The following KHDRBS2 variants were observed in gnomAD, a reference collection of about 807,000 sequenced individuals.
KHDRBS2 encodes KH domain-containing, RNA-binding, signal transduction-associated protein 2.
A neutral mutation model predicts 44.3 loss-of-function variants in KHDRBS2; 26 were observed. That is an observed-to-expected ratio of 0.59 (90% CI 0.43 to 0.81). The LOEUF (loss-of-function observed/expected upper bound fraction) is 0.81, where lower values mean the gene tolerates loss of function less well. KHDRBS2 is among the 40% of genes least tolerant of loss of function. The probability of loss-of-function intolerance (pLI) is 0.00; values close to 1 mark genes in which losing one functional copy is unlikely to be tolerated. For missense variants in KHDRBS2, 476 were observed against 433.1 expected (o/e 1.10, Z -0.88); for synonymous variants, 194 against 151.1 (o/e 1.28, Z -2.08).
chr6:61,915,781 A>C (rs1355722018), intron 4 of KHDRBS2, among the ~76,000 whole-genome samples: 1 of 152,048 alleles, frequency 6.6e-6, no homozygotes, highest in Non-Finnish European at 1.5e-5. Context: ...ATCAGCTTTA[A>C]TGTTGATATA....
At chr6:61,979,696 C>CT (rs1197612015) in intron 3 of KHDRBS2, among the ~76,000 whole-genome samples, 1 of 152,094 alleles carries the variant, frequency 6.6e-6, no homozygotes, top group Non-Finnish European at 1.5e-5. Context: ...AACTTGAGAG[C>CT]TTTTCTTAGT....
intron 6 of KHDRBS2, among the ~76,000 whole-genome samples, chr6:61,886,116 C>A (rs1410934677): frequency 3.3e-5 from 5 of 152,114 alleles, no homozygotes; most frequent in Non-Finnish European, 7.4e-5. Context: ...CTTCTTTAAT[C>A]CACCCTAGAC....
chr6:62,094,279 T>C (rs1436837023), intron 2 of KHDRBS2, among the ~76,000 whole-genome samples: 2 of 151,950 alleles, frequency 1.3e-5, no homozygotes, highest in Non-Finnish European at 2.9e-5. Context: ...TGAATTTTTC[T>C]GGTGATTAAT....
chr6:61,954,624 A>ATG lies in KHDRBS2; in HGVS notation c.483+23440_483+23441dup, dbSNP rs1424822332. ...CATACATACTTATGTATACATATAT[A>ATG]TGTATATATACACATACATACTTAT... On this transcript the variant is annotated intron_variant, in intron 4 of 8. Transcript: ENST00000281156. 1.9e-3 allele frequency among the ~76,000 whole-genome samples: 266 copies of ATG among 142,032 alleles called. 12 individuals carry two copies. Among genetic ancestry groups the ATG allele is most frequent in the Middle Eastern group, 0.012 (2 of 172 alleles). The allele number at this position is 142,032 out of a possible 152,430, so 93.2% of individuals were successfully genotyped here. A position where few individuals can be genotyped will look rare whatever the true frequency, so the allele number is the denominator to read the frequency against.
chr6:61,612,388 T>C, the KHDRBS2 span, among the ~76,000 whole-genome samples: 1 of 152,206 alleles, frequency 6.6e-6, no homozygotes, highest in Non-Finnish European at 1.5e-5. Context: ...AAGTGGTTTG[T>C]TAGAATAAAT....
chr6:61,658,093 C>A, the KHDRBS2 span, among the ~76,000 whole-genome samples: 3 of 151,764 alleles, frequency 2.0e-5, no homozygotes, highest in South Asian at 4.1e-4. Flanking sequence ...TCTAAGAATT[C>A]AAATTTGAAT....
chr6:61,942,110 C>CACT (rs35571478), intron 4 of KHDRBS2, among the ~76,000 whole-genome samples: 51,781 of 150,916 alleles, frequency 0.34, 8,982 homozygotes, highest in East Asian at 0.41. Flanking sequence ...ATAAGCACAC[C>CACT]ACACCTACCC....
At chr6:62,002,248 C>G (rs1260958301) in intron 3 of KHDRBS2, among the ~76,000 whole-genome samples, 1 of 151,688 alleles carries the variant, frequency 6.6e-6, no homozygotes, top group Admixed American at 6.6e-5. Flanking sequence ...TTTCCTATTA[C>G]TAAGAATAAA....
At chr6:61,871,845 A>G (rs561926167) in intron 6 of KHDRBS2, among the ~76,000 whole-genome samples, 1 of 151,794 alleles carries the variant, frequency 6.6e-6, no homozygotes, top group East Asian at 1.9e-4. Flanking sequence ...TACAAGAGCT[A>G]CTGAAAGAAG....
chr6:61,654,551 T>C, the KHDRBS2 span, among the ~76,000 whole-genome samples: 4 of 151,430 alleles, frequency 2.6e-5, no homozygotes, highest in African/African-American at 7.3e-5. Context: ...ATTAGGAAAA[T>C]AGGGTTCAGT....
chr6:61,609,877 A>C, the KHDRBS2 span, among the ~76,000 whole-genome samples: 130 of 152,306 alleles, frequency 8.5e-4, no homozygotes, highest in Admixed American at 1.4e-3. Flanking sequence ...TTCCAGTTTA[A>C]AAATTTTGAA....
intron 4 of KHDRBS2, among the ~76,000 whole-genome samples, chr6:61,940,878 A>C (rs1155039): frequency 0.92 from 140,275 of 152,250 alleles, 64,841 homozygotes; most frequent in East Asian, 1. Flanking sequence ...GAGGCTTGAG[A>C]ACTGCCAGGG....
At chr6:61,726,904 C>G (rs1012035331) in intron 7 of KHDRBS2, among the ~76,000 whole-genome samples, 1 of 152,052 alleles carries the variant, frequency 6.6e-6, no homozygotes, top group Non-Finnish European at 1.5e-5. Context: ...ACATTCTTCA[C>G]AGAATTAGAA....
At chr6:62,260,121 C>T (rs1235502125) in intron 1 of KHDRBS2, among the ~76,000 whole-genome samples, 2 of 151,924 alleles carry the variant, frequency 1.3e-5, no homozygotes, top group Non-Finnish European at 2.9e-5. Context: ...GACCTTGGCT[C>T]TGTCATCAAT....
At chr6:62,137,865 C>T (rs1368336912) in intron 2 of KHDRBS2, among the ~76,000 whole-genome samples, 4 of 152,142 alleles carry the variant, frequency 2.6e-5, no homozygotes, top group Non-Finnish European at 2.9e-5. Flanking sequence ...TCTGGTGTCC[C>T]AAAGTTACAT....
At chr6:62,135,344 T>C (rs1811278097) in intron 2 of KHDRBS2, among the ~76,000 whole-genome samples, 1 of 152,310 alleles carries the variant, frequency 6.6e-6, no homozygotes, top group East Asian at 1.9e-4. Context: ...TCTCCAGCCA[T>C]GTGGAACTGT....
At chr6:61,909,020 C>T (rs373722252) in intron 4 of KHDRBS2, among the ~76,000 whole-genome samples, 4 of 151,560 alleles carry the variant, frequency 2.6e-5, no homozygotes, top group African/African-American at 4.8e-5. Context: ...TTAGAGTGAA[C>T]CTTTAAAGAA....
At chr6:61,901,030 C>T (rs1803913062) in intron 5 of KHDRBS2, among the ~76,000 whole-genome samples, 1 of 152,154 alleles carries the variant, frequency 6.6e-6, no homozygotes, top group Admixed American at 6.6e-5. Context: ...TTCTCACCTG[C>T]AGATGCTATT....
intron 3 of KHDRBS2, among the ~76,000 whole-genome samples, chr6:61,987,399 T>C (rs1775247499): frequency 6.6e-6 from 1 of 152,190 alleles, no homozygotes; most frequent in African/African-American, 2.4e-5. Flanking sequence ...CATGATATAC[T>C]GTATATCCAA....
Sources: gnomAD v4.1 joint callset for allele counts (sites outside exome capture counted in the v4.1 genomes callset) on GRCh38, gnomAD v4.1.1 for gene constraint, MANE v1.5 for transcripts, NCBI Gene and HGNC (gene_info 2026-07-23, HGNC 2026-07-21) for gene names.